The following PLCXD2 variants were observed in gnomAD, a reference collection of about 807,000 sequenced individuals.
The protein encoded by PLCXD2 is phosphatidylinositol specific phospholipase C X domain containing 2.
In PLCXD2, 21 loss-of-function variants were observed where a neutral mutation model predicts 28.6. The observed-to-expected ratio is 0.73, with a 90% CI of 0.52 to 1.06. The LOEUF is 1.06. PLCXD2 is among the 50% of genes least tolerant of loss of function. The pLI is 0.00. For synonymous variants in PLCXD2, 140 were observed against 150.1 expected (o/e 0.93, Z 0.49); for missense variants, 369 against 376.7 (o/e 0.98, Z 0.17).
chr3:111,704,698 G>A (rs756550276), intron 1 of PLCXD2, among the ~76,000 whole-genome samples: 5 of 152,196 alleles, frequency 3.3e-5, no homozygotes, highest in Non-Finnish European at 1.5e-5. Flanking sequence ...ATTTCCTTGT[G>A]TTGTGAACAG....
intron 3 of PLCXD2, among the ~76,000 whole-genome samples, chr3:111,719,288 C>A (rs1485747616): frequency 1.3e-5 from 2 of 152,112 alleles, no homozygotes; most frequent in Admixed American, 6.5e-5. Flanking sequence ...AAATATGTCA[C>A]TGAGAAAACT....
chr3:111,676,356 AC>A (rs1427016651), intron 1 of PLCXD2, among the ~76,000 whole-genome samples: 3 of 151,852 alleles, frequency 2.0e-5, no homozygotes, highest in African/African-American at 7.2e-5. Context: ...TATTCCCTAG[AC>A]CCGTCTGGGT....
At chr3:111,675,575 A>G (rs907808545) in intron 1 of PLCXD2, among the ~76,000 whole-genome samples, 167 bp downstream of exon 1, 2 of 152,244 alleles carry the variant, frequency 1.3e-5, no homozygotes, top group African/African-American at 2.4e-5. Flanking sequence ...AAGAGATTGC[A>G]GTACACTGCA....
chr3:111,724,038 A>C (rs1000474984), intron 3 of PLCXD2: 1 of 152,128 alleles, frequency 6.6e-6, no homozygotes, highest in African/African-American at 2.4e-5. Flanking sequence ...TTTGTGGCAA[A>C]GGGGACCATC....
chr3:111,723,468 A>T (rs1270278577), intron 3 of PLCXD2: 2 of 152,160 alleles, frequency 1.3e-5, no homozygotes, highest in Non-Finnish European at 2.9e-5. Context: ...AGCCCAGAAA[A>T]CTGTACCAAG....
Position 111,708,390 on chromosome 3 carries a change from G to A in PLCXD2, c.624+4G>A, listed in dbSNP as rs556720268. The A allele has an allele frequency of 6.2e-7, 1 of 1,609,622 alleles. No individual in the cohort carries two copies. Among genetic ancestry groups the A allele is most frequent in the South Asian group, 1.1e-5 (1 of 90,740 alleles). On this transcript the variant is annotated splice_donor_region_variant and intron_variant, in intron 2 of 4. Transcript: ENST00000477665. ...TCTGTGGGAGAAGAACTGCCAGGTA[G>A]GAGGGAAGGAGAGATAAGCTTCCAA...
At chr3:111,689,046 A>G (rs1162087789) in intron 1 of PLCXD2, among the ~76,000 whole-genome samples, 1 of 152,210 alleles carries the variant, frequency 6.6e-6, no homozygotes, top group African/African-American at 2.4e-5. Flanking sequence ...AATAAAGTAA[A>G]TAAAAGCAGA....
intron 3 of PLCXD2, among the ~76,000 whole-genome samples, chr3:111,714,818 C>T (rs1212931826): frequency 3.9e-5 from 6 of 152,018 alleles, no homozygotes; most frequent in Non-Finnish European, 7.4e-5. Context: ...GTCTATGTAC[C>T]TGTACATGTG....
At chr3:111,712,521 G>C (rs747399782) in intron 2 of PLCXD2, among the ~76,000 whole-genome samples, 1 of 152,168 alleles carries the variant, frequency 6.6e-6, no homozygotes, top group Non-Finnish European at 1.5e-5. Context: ...TACCACAGAC[G>C]TCATTAGCAG....
chr3:111,690,373 AT>A (rs995451887), intron 1 of PLCXD2, among the ~76,000 whole-genome samples: 10 of 148,022 alleles, frequency 6.8e-5, no homozygotes, highest in South Asian at 2.2e-4. Context: ...AACAAGTTAC[AT>A]TTTTTTTTTC....
chr3:111,678,034 C>G (rs1414264763), intron 1 of PLCXD2, among the ~76,000 whole-genome samples: 1 of 152,154 alleles, frequency 6.6e-6, no homozygotes, highest in Non-Finnish European at 1.5e-5. Flanking sequence ...TCAGATCTAT[C>G]AGGATGGTGA....
intron 1 of PLCXD2, among the ~76,000 whole-genome samples, chr3:111,696,705 C>T (rs1482176947): frequency 6.6e-6 from 1 of 152,120 alleles, no homozygotes; most frequent in Admixed American, 6.5e-5. Flanking sequence ...ATAGAAAATA[C>T]ATGCATATCC....
chr3:111,689,957 A>C (rs1305435422), intron 1 of PLCXD2, among the ~76,000 whole-genome samples: 1 of 152,212 alleles, frequency 6.6e-6, no homozygotes, highest in Admixed American at 6.5e-5. Context: ...TTTAATATTT[A>C]TATAGCACTT....
At chr3:111,688,326 G>C (rs1025060196) in intron 1 of PLCXD2, among the ~76,000 whole-genome samples, 2 of 152,182 alleles carry the variant, frequency 1.3e-5, no homozygotes, top group Non-Finnish European at 2.9e-5. Context: ...ACTGTTTATT[G>C]CTCTGAAAGG....
chr3:111,688,519 CTT>C (rs1386943306), intron 1 of PLCXD2, among the ~76,000 whole-genome samples: 2 of 152,202 alleles, frequency 1.3e-5, no homozygotes, highest in African/African-American at 4.8e-5. Context: ...TGTCCAGAAT[CTT>C]TTCTGGTCTT....
chr3:111,693,069 T>A (rs988584731), intron 1 of PLCXD2, among the ~76,000 whole-genome samples: 6 of 152,176 alleles, frequency 3.9e-5, no homozygotes, highest in South Asian at 2.1e-4. Flanking sequence ...TTTTGTTATA[T>A]AACCAGGGAA....
chr3:111,716,209 G>A (rs1290481286), intron 3 of PLCXD2, among the ~76,000 whole-genome samples: 1 of 152,174 alleles, frequency 6.6e-6, no homozygotes, highest in Non-Finnish European at 1.5e-5. Flanking sequence ...AGCTCTGGTT[G>A]AGTTTGTTCC....
At chr3:111,685,383 G>A (rs1394312055) in intron 1 of PLCXD2, among the ~76,000 whole-genome samples, 1 of 152,070 alleles carries the variant, frequency 6.6e-6, no homozygotes, top group Non-Finnish European at 1.5e-5. Context: ...TGGCAGCTTG[G>A]GCATGAGTGT....
At chr3:111,689,029 G>C (rs1395357784) in intron 1 of PLCXD2, among the ~76,000 whole-genome samples, 1 of 151,906 alleles carries the variant, frequency 6.6e-6, no homozygotes, top group Non-Finnish European at 1.5e-5. Flanking sequence ...AGATATACAA[G>C]AGTTCAAATA....
Sources: gnomAD v4.1 joint callset for allele counts (sites outside exome capture counted in the v4.1 genomes callset) on GRCh38, gnomAD v4.1.1 for gene constraint, MANE v1.5 for transcripts, NCBI Gene and HGNC (gene_info 2026-07-23, HGNC 2026-07-21) for gene names.